The following PNLIPRP1 variants were observed in gnomAD, a reference collection of about 807,000 sequenced individuals.
PNLIPRP1 encodes inactive pancreatic lipase-related protein 1.
Under a neutral mutation model 54.6 loss-of-function variants are expected in PNLIPRP1, and 57 were observed. That is an observed-to-expected ratio of 1.04 (90% CI 0.84 to 1.30). The LOEUF (loss-of-function observed/expected upper bound fraction) is 1.30. Among genes scored for constraint, PNLIPRP1 ranks in the 50% most tolerant of loss-of-function variants. The pLI is 0.00. For missense variants in PNLIPRP1, 567 were observed against 568.5 expected, an observed-to-expected ratio of 1.00 and a Z score of 0.03; for synonymous variants, 232 against 208.8, an observed-to-expected ratio of 1.11 and a Z score of -0.96.
intron 4 of PNLIPRP1, 154 bp downstream of exon 4, chr10:116,592,695 T>C: frequency 1.1e-6 from 1 of 902,900 alleles, no homozygotes; most frequent in South Asian, 1.4e-5. Flanking sequence ...CCTTTCCATG[T>C]TTCCGCACTA....
At chr10:116,598,531 C>G (rs920013184) in intron 8 of PNLIPRP1, among the ~76,000 whole-genome samples, 4 of 152,200 alleles carry the variant, frequency 2.6e-5, no homozygotes, top group African/African-American at 9.6e-5. Context: ...CAAATTCTCT[C>G]TTGGGAGTCA....
intron 12 of PNLIPRP1, 72 bp from the exon 13 acceptor site, chr10:116,608,981 C>CAAAACAAAA: frequency 3.9e-6 from 4 of 1,029,962 alleles, no homozygotes; most frequent in Non-Finnish European, 6.0e-6. Context: ...CCAAACCAAA[C>CAAAACAAAA]CAAAACAAAA....
At position 116,591,849 on chromosome 10, in the gene PNLIPRP1, A is replaced by G. The variant is rs900075030; in HGVS notation, c.128A>G (p.Lys43Arg). 1 of 1,614,202 alleles carries G rather than the reference A, an allele frequency of 6.2e-7. No homozygotes were observed. Among genetic ancestry groups the G allele is most frequent in the Non-Finnish European group, 8.5e-7 (1 of 1,180,040 alleles). Reference protein sequence around the residue: ...PWGGTAIRPLKILPWSPEKIG... With the variant: ...PWGGTAIRPLRILPWSPEKIG... ...GGCGGGACAGCAATCAGGCCCCTGA[A>G]AATTCTCCCCTGGAGCCCTGAGAAG... is the stretch of plus-strand genomic sequence containing the variant. The change falls in exon 3 of 13, where the codon AAA becomes AGA. Residue 43 changes from lysine (K) to arginine (R), a missense_variant. Physicochemically the swap from Lys to Arg is conservative, Grantham distance 26 (BLOSUM62 2). Transcript: ENST00000358834.
chr10:116,603,934 G>C, intron 10 of PNLIPRP1, 96 bp from the exon 11 acceptor site: 1 of 568,860 alleles, frequency 1.8e-6, no homozygotes. Context: ...AATTTCTTAT[G>C]CTTTGTTGCC....
At chr10:116,594,997 GA>G in intron 5 of PNLIPRP1, 133 bp downstream of exon 5, 2 of 1,135,910 alleles carry the variant, frequency 1.8e-6, no homozygotes, top group South Asian at 3.4e-5. Context: ...CTAAAACTCT[GA>G]AATTTGCCTT....
chr10:116,591,198 C>T lies in PNLIPRP1; in HGVS notation c.49+20C>T, dbSNP rs1564734310. The T allele has an allele frequency of 1.2e-6, 2 of 1,605,138 alleles. No individual in the cohort carries two copies. The highest frequency in any genetic ancestry group is 2.2e-5 in the East Asian group (1 of 44,854). The stretch of plus-strand genomic sequence containing the variant: ...CCAAAGGTAAGAAACACCACTCCTG[C>T]CCCGTAGGAAGGGCTTAAACTTAAG... On this transcript the variant is annotated intron_variant, in intron 2 of 12. Coordinates refer to ENST00000358834, the MANE Select transcript of PNLIPRP1 (RefSeq NM_006229.4).
intron 3 of PNLIPRP1, 102 bp downstream of exon 3, chr10:116,592,027 C>A: frequency 1.6e-6 from 2 of 1,281,618 alleles, no homozygotes; most frequent in Middle Eastern, 2.2e-4. Context: ...CTCCACCATG[C>A]CCCACCCCAT....
At position 116,609,128 on chromosome 10, in the gene PNLIPRP1, G is replaced by A. The variant is rs1554865977; in HGVS notation, c.*12G>A. On this transcript the variant is annotated 3_prime_UTR_variant, in exon 13 of 13. Coordinates refer to ENST00000358834, the MANE Select transcript of PNLIPRP1 (RefSeq NM_006229.4). ...TCACGCCCTGCTAAGCTCCCGGGGC[G>A]ACGAGGCTGCTGCGTTCACACTAAT... is the stretch of plus-strand genomic sequence containing the variant. The A allele has an allele frequency of 3.8e-6, 6 of 1,598,402 alleles. No individual in the cohort carries two copies. Among genetic ancestry groups the A allele is most frequent in the Middle Eastern group, 1.7e-4 (1 of 5,970 alleles).
At chr10:116,602,798 CGTAT>C (rs1270311055) in intron 10 of PNLIPRP1, among the ~76,000 whole-genome samples, 1 of 152,080 alleles carries the variant, frequency 6.6e-6, no homozygotes, top group East Asian at 1.9e-4. Flanking sequence ...TGTTTATATA[CGTAT>C]GTATATGAGT....
Position 116,605,554 on chromosome 10 carries a change from G to A in PNLIPRP1, c.1340+1G>A, listed in dbSNP as rs1847923191. On this transcript the variant is annotated splice_donor_variant, in intron 12 of 12. Coordinates refer to ENST00000358834, the MANE Select transcript of PNLIPRP1 (RefSeq NM_006229.4). LOFTEE classifies it high-confidence loss of function. ...TGCAAAAGGGAGAAGAGAAGACAGT[G>A]TATGTATCTTTGCTGGCTGGTGCCT... is the stretch of plus-strand genomic sequence containing the variant. 2.6e-6 allele frequency: 4 copies of A among 1,537,176 alleles called. No homozygotes were observed. Among genetic ancestry groups the A allele is most frequent in the East Asian group, 2.3e-5 (1 of 42,566 alleles).
Position 116,596,099 on chromosome 10 carries a change from C to G in PNLIPRP1, c.466-115C>G, listed in dbSNP as rs1847729934. On this transcript the variant is annotated intron_variant, in intron 5 of 12. Coordinates refer to ENST00000358834, the MANE Select transcript of PNLIPRP1 (RefSeq NM_006229.4). Reference sequence around the variant, plus strand: ...CTTCAGAATGAGTTTGGGCTTGATCCTGAAGGCAATGAGAGGCATGGAAGG... The same window carrying G: ...CTTCAGAATGAGTTTGGGCTTGATCGTGAAGGCAATGAGAGGCATGGAAGG... 13 of 727,304 alleles carry G rather than the reference C, an allele frequency of 1.8e-5. No individual in the cohort carries two copies. In the South Asian group the frequency reaches 2.0e-4, roughly 11 times the overall value. The allele number at this position is 727,304 out of a possible 1,614,324, so 45.1% of individuals were successfully genotyped here. A position where few individuals can be genotyped will look rare whatever the true frequency, so the allele number is the denominator to read the frequency against.
chr10:116,605,679 C>G, intron 12 of PNLIPRP1, 126 bp downstream of exon 12: 1 of 575,436 alleles, frequency 1.7e-6, no homozygotes, highest in Non-Finnish European at 2.9e-6. Context: ...ATCTGTGGCC[C>G]CTTCTCCCCA....
At chr10:116,591,340 G>A (rs542795108) in intron 2 of PNLIPRP1, among the ~76,000 whole-genome samples, 162 bp downstream of exon 2, 69 of 152,318 alleles carry the variant, frequency 4.5e-4, no homozygotes, top group Non-Finnish European at 1.8e-4. Flanking sequence ...GGCAGTTTAA[G>A]GGAGACCTGT....
At chr10:116,602,978 TTGTG>T (rs1297735532) in intron 10 of PNLIPRP1, among the ~76,000 whole-genome samples, 4 of 152,052 alleles carry the variant, frequency 2.6e-5, no homozygotes, top group Non-Finnish European at 5.9e-5. Flanking sequence ...GTATATGTAT[TTGTG>T]TATGTGCACG....
rs528026659 is a variant in PNLIPRP1 at position 116,591,889 on chromosome 10, C to G, written c.168C>G (p.Phe56Leu). 28 of 1,614,204 alleles carry G rather than the reference C, an allele frequency of 1.7e-5. No individual in the cohort carries two copies. In the East Asian group the frequency reaches 6.2e-4, roughly 36 times the overall value. ...GCCCTGAGAAGATCGGCACCCGCTT[C>G]CTGCTGTACACCAATGAAAACCCAA... Reference protein sequence around the residue: ...PWSPEKIGTRFLLYTNENPNN... With the variant: ...PWSPEKIGTRLLLYTNENPNN... Residue 56 changes from phenylalanine to leucine, a missense_variant, in exon 3 of 13, where the codon TTC (phenylalanine) becomes TTG (leucine). Phe to Leu is a conservative substitution (Grantham distance 22). Transcript: ENST00000358834.
rs1847700173 is a variant in PNLIPRP1 at position 116,594,562 on chromosome 10, T to A, written c.331-168T>A. 9 of 721,830 alleles carry A rather than the reference T, an allele frequency of 1.2e-5. No individual in the cohort carries two copies. The Admixed American group carries it at 1.5e-4, about 12-fold the overall frequency. The allele number at this position is 721,830 out of a possible 1,614,324, so 44.7% of individuals were successfully genotyped here. On this transcript the variant is annotated intron_variant, in intron 4 of 12. Coordinates refer to ENST00000358834, the MANE Select transcript of PNLIPRP1 (RefSeq NM_006229.4). ...GAATCAGTTTGCCTTTCTCATAGCA[T>A]TCACCCTGAAGGATAACTCCTAATT...
chr10:116,593,446 G>A (rs143600668), intron 4 of PNLIPRP1, among the ~76,000 whole-genome samples: 1 of 152,170 alleles, frequency 6.6e-6, no homozygotes, highest in Non-Finnish European at 1.5e-5. Context: ...TACCCCAGGA[G>A]CCTGCCTTCC....
At chr10:116,600,318 A>G (rs2133235983) in intron 9 of PNLIPRP1, 153 bp downstream of exon 9, 1 of 576,112 alleles carries the variant, frequency 1.7e-6, no homozygotes, top group African/African-American at 1.8e-5. Flanking sequence ...AAAAAAGTAA[A>G]CAACTTTTGG....
At chr10:116,597,476 A>G (rs149348973) in intron 6 of PNLIPRP1, among the ~76,000 whole-genome samples, 22 of 152,308 alleles carry the variant, frequency 1.4e-4, no homozygotes, top group African/African-American at 5.3e-4. Flanking sequence ...CTATGATACC[A>G]CATTGCTTCA....
Sources: gnomAD v4.1 joint callset for allele counts (sites outside exome capture counted in the v4.1 genomes callset) on GRCh38, gnomAD v4.1.1 for gene constraint, MANE v1.5 for transcripts, NCBI Gene and HGNC (gene_info 2026-07-23, HGNC 2026-07-21) for gene names.